FSTL5: variants seen among roughly 807,000 people sequenced by gnomAD.
The protein encoded by FSTL5 is follistatin like 5.
A neutral mutation model predicts 89.1 loss-of-function variants in FSTL5; 62 were observed. The ratio of observed to expected loss-of-function variants is 0.70; its 90% CI spans 0.57 to 0.86. The LOEUF (loss-of-function observed/expected upper bound fraction) is 0.86. FSTL5 is among the 40% of genes least tolerant of loss of function. The pLI, the probability that FSTL5 is intolerant of heterozygous loss-of-function variation, is 0.00. For synonymous variants in FSTL5, 383 were observed against 346.2 expected (o/e 1.11, Z -1.18); for missense variants, 1,057 against 1,001.6 (o/e 1.06, Z -0.75).
intron 6 of FSTL5, among the ~76,000 whole-genome samples, chr4:161,722,718 C>CA (rs1434710072): frequency 1.3e-5 from 2 of 152,096 alleles, no homozygotes; most frequent in African/African-American, 4.8e-5. Context: ...CCCTTAAATA[C>CA]ATTGAATTAT....
In FSTL5 at chr4:161,756,288, A is replaced by G. The variant is rs544818987; in HGVS notation, c.727+3123T>C. On this transcript the variant is annotated intron_variant, in intron 6 of 15. Coordinates refer to ENST00000306100, the MANE Select transcript of FSTL5 (RefSeq NM_020116.5). ...ATTATCTCATGATTGCTGATTGCCA[A>G]GCAATTTCATTACCCAACTAACGTC... Among the ~76,000 whole-genome samples the G allele has an allele frequency of 2.6e-5, 4 of 152,200 alleles. No homozygotes were observed. The South Asian group carries it at 8.3e-4, about 31-fold the overall frequency.
At chr4:161,593,851 C>T (rs1733917602) in intron 7 of FSTL5, among the ~76,000 whole-genome samples, 1 of 152,052 alleles carries the variant, frequency 6.6e-6, no homozygotes, top group African/African-American at 2.4e-5. Flanking sequence ...CTGATACAAA[C>T]TCCATAACAT....
At position 161,541,779 on chromosome 4, in the gene FSTL5, T is replaced by A. The variant is rs137893047; in HGVS notation, c.1177+753A>T. 5.3e-3 allele frequency among the ~76,000 whole-genome samples: 803 copies of A among 152,048 alleles called. 8 individuals carry two copies. Among genetic ancestry groups the A allele is most frequent in the Non-Finnish European group, 7.6e-3 (519 of 67,890 alleles). ...AGAACTATAATGCCCATGAAGAAGATACTCCAGTAAAATGAGTGTTGTGTG... is the reference window on the plus strand; with the variant it reads ...AGAACTATAATGCCCATGAAGAAGAAACTCCAGTAAAATGAGTGTTGTGTG... On this transcript the variant is annotated intron_variant, in intron 9 of 15. Coordinates refer to ENST00000306100, the MANE Select transcript of FSTL5 (RefSeq NM_020116.5).
intron 4 of FSTL5, among the ~76,000 whole-genome samples, chr4:161,876,382 A>C (rs1732443879): frequency 1.3e-5 from 2 of 152,334 alleles, no homozygotes; most frequent in Non-Finnish European, 1.5e-5. Context: ...AAGAGAAAAA[A>C]TTTCAAGTGA....
intron 7 of FSTL5, among the ~76,000 whole-genome samples, chr4:161,609,625 T>G (rs1734571906): frequency 6.6e-6 from 1 of 152,142 alleles, no homozygotes; most frequent in Non-Finnish European, 1.5e-5. Context: ...TCTAAATTTT[T>G]TTTTTTTACT....
At chr4:161,828,277 CT>C (rs1176680906) in intron 4 of FSTL5, among the ~76,000 whole-genome samples, 1 of 152,188 alleles carries the variant, frequency 6.6e-6, no homozygotes, top group African/African-American at 2.4e-5. Flanking sequence ...CCCTCTTTCA[CT>C]TTCACTCTTT....
chr4:161,451,910 G>A (rs1733178611), intron 15 of FSTL5, among the ~76,000 whole-genome samples: 1 of 152,138 alleles, frequency 6.6e-6, no homozygotes, highest in Non-Finnish European at 1.5e-5. Flanking sequence ...GAATATAAAA[G>A]CCTGACACGT....
chr4:161,485,707 T>C (rs2126460867), intron 12 of FSTL5, among the ~76,000 whole-genome samples: 1 of 152,162 alleles, frequency 6.6e-6, no homozygotes, highest in East Asian at 1.9e-4. Context: ...AAAGTAAAAT[T>C]CATAATAAAA....
intron 15 of FSTL5, among the ~76,000 whole-genome samples, chr4:161,413,530 C>T (rs1366454262): frequency 6.6e-6 from 1 of 152,114 alleles, no homozygotes; most frequent in Non-Finnish European, 1.5e-5. Flanking sequence ...TCTCAAAACA[C>T]TTAAAACAGA....
intron 4 of FSTL5, among the ~76,000 whole-genome samples, chr4:161,886,304 T>C (rs1020093499): frequency 6.6e-6 from 1 of 152,200 alleles, no homozygotes; most frequent in Admixed American, 6.5e-5. Context: ...AGCAGTTGCA[T>C]AGGAAAAGCT....
chr4:161,929,321 CT>C (rs1186283128), intron 3 of FSTL5, among the ~76,000 whole-genome samples: 2 of 151,002 alleles, frequency 1.3e-5, no homozygotes, highest in Non-Finnish European at 1.5e-5. Flanking sequence ...TTCCATCACT[CT>C]TTTTTTGTCT....
At chr4:161,561,128 A>C (rs988577254) in intron 8 of FSTL5, among the ~76,000 whole-genome samples, 1 of 151,874 alleles carries the variant, frequency 6.6e-6, no homozygotes, top group African/African-American at 2.4e-5. Flanking sequence ...TTATAAGACC[A>C]CTATCTTACA....
At chr4:161,707,913 A>T (rs1738637184) in intron 6 of FSTL5, among the ~76,000 whole-genome samples, 1 of 151,804 alleles carries the variant, frequency 6.6e-6, no homozygotes, top group Admixed American at 6.6e-5. Context: ...AAAGCATTAG[A>T]AATTAAGAGA....
chr4:162,090,957 C>T (rs1412574059), intron 2 of FSTL5, among the ~76,000 whole-genome samples: 1 of 152,090 alleles, frequency 6.6e-6, no homozygotes, highest in Non-Finnish European at 1.5e-5. Flanking sequence ...TTTACAGAGC[C>T]CTCCATCACC....
At chr4:161,967,685 G>A (rs1301982500) in intron 3 of FSTL5, among the ~76,000 whole-genome samples, 1 of 151,924 alleles carries the variant, frequency 6.6e-6, no homozygotes, top group Non-Finnish European at 1.5e-5. Flanking sequence ...TTAATTTGGA[G>A]TGATAGTTTC....
chr4:161,409,427 G>A (rs945274732), intron 15 of FSTL5, among the ~76,000 whole-genome samples: 22 of 151,824 alleles, frequency 1.4e-4, no homozygotes, highest in Non-Finnish European at 2.9e-4. Flanking sequence ...TCTGTCACTA[G>A]GTGGAGTCCA....
intron 7 of FSTL5, among the ~76,000 whole-genome samples, chr4:161,654,523 T>G (rs755610835): frequency 2.6e-5 from 4 of 152,120 alleles, no homozygotes; most frequent in Non-Finnish European, 5.9e-5. Flanking sequence ...ATTCTCCAGA[T>G]AGTCTTTAAG....
intron 4 of FSTL5, among the ~76,000 whole-genome samples, chr4:161,887,437 C>G (rs1045353325): frequency 2.2e-5 from 3 of 136,092 alleles, no homozygotes; most frequent in Non-Finnish European, 4.6e-5. Context: ...CATCTATCTA[C>G]CTATCATCTA....
chr4:162,122,409 T>C (rs968270183), intron 1 of FSTL5, among the ~76,000 whole-genome samples: 3 of 152,116 alleles, frequency 2.0e-5, no homozygotes, highest in Non-Finnish European at 4.4e-5. Context: ...TTCCTCCCTT[T>C]AGTTTCAAAC....
Sources: gnomAD v4.1 joint callset for allele counts (sites outside exome capture counted in the v4.1 genomes callset) on GRCh38, gnomAD v4.1.1 for gene constraint, MANE v1.5 for transcripts, NCBI Gene and HGNC (gene_info 2026-07-23, HGNC 2026-07-21) for gene names.